Variants in TBC1D31 observed in about 807,000 individuals in gnomAD.
TBC1D31 encodes TBC1 domain family member 31, also known as WD repeat domain 67.
Under a neutral mutation model 132.9 loss-of-function variants are expected in TBC1D31, and 99 were observed. The observed-to-expected ratio is 0.74, with a 90% CI of 0.63 to 0.88. The LOEUF (loss-of-function observed/expected upper bound fraction) is 0.88, where lower values mean the gene tolerates loss of function less well. Among genes scored for constraint, TBC1D31 ranks in the 40% least tolerant of loss-of-function variants. The pLI, the probability that TBC1D31 is intolerant of heterozygous loss-of-function variation, is 0.00. For synonymous variants in TBC1D31, 385 were observed against 419.4 expected, an observed-to-expected ratio of 0.92 and a Z score of 1.00; for missense variants, 1,134 against 1,256.6, an observed-to-expected ratio of 0.90 and a Z score of 1.48.
Position 123,072,839 on chromosome 8 carries a change from C to T in TBC1D31, c.70C>T (p.Arg24Trp), listed in dbSNP as rs1274806808. 9 of 1,566,746 alleles carry T rather than the reference C, an allele frequency of 5.7e-6. No homozygotes were observed. Among genetic ancestry groups the T allele is most frequent in the Non-Finnish European group, 7.8e-6 (9 of 1,156,006 alleles). ...IWHRKPSPAT[R>W]DGIIVNIIHN... ...GCACCGCAAGCCGTCCCCGGCCACGCGGGACGGGTAAAGGCCGTGGCGGGA... is the reference window on the plus strand; with the variant it reads ...GCACCGCAAGCCGTCCCCGGCCACGTGGGACGGGTAAAGGCCGTGGCGGGA... The change falls in exon 1 of 22, where the codon CGG becomes TGG. Residue 24 changes from arginine to tryptophan, a missense_variant. Arg to Trp is a moderately radical substitution (Grantham distance 101). Coordinates refer to ENST00000287380, the MANE Select transcript of TBC1D31 (RefSeq NM_145647.4).
chr8:123,126,017 A>G (rs1376174902), intron 11 of TBC1D31, 39 bp from the exon 12 acceptor site: 2 of 1,501,962 alleles, frequency 1.3e-6, no homozygotes, highest in South Asian at 1.4e-5. Flanking sequence ...TAACATGGAA[A>G]GATATTTAAA....
At chr8:123,145,386 C>T (rs571836925) in intron 20 of TBC1D31, among the ~76,000 whole-genome samples, 9 of 152,222 alleles carry the variant, frequency 5.9e-5, no homozygotes, top group African/African-American at 2.2e-4. Context: ...GCAGACTGTC[C>T]TGTGGAGTTC....
At chr8:123,161,270 G>A in the TBC1D31 span, among the ~76,000 whole-genome samples, 1 of 152,282 alleles carries the variant, frequency 6.6e-6, no homozygotes, top group Non-Finnish European at 1.5e-5. Flanking sequence ...CTTGCCCTAC[G>A]TCAGCCGGGT....
Position 123,097,405 on chromosome 8 carries a change from A to C in TBC1D31, c.795A>C (p.Glu265Asp), listed in dbSNP as rs781141965. 3 of 1,614,148 alleles carry C rather than the reference A, an allele frequency of 1.9e-6. No homozygotes were observed. The East Asian group carries it at 6.7e-5, about 36-fold the overall frequency. ...PTKVRAIRHL[E>D]FLPDSFDAGS... ...AAGTTCGAGCCATTCGCCATCTGGA[A>C]TTTCTTCCTGATAGTTTTGATGCTG... is the stretch of plus-strand genomic sequence containing the variant. The change falls in exon 6 of 22, where the codon GAA becomes GAC. Residue 265 changes from glutamate (E) to aspartate (D), a missense_variant. By Grantham distance (45) the Glu-to-Asp change is conservative. Transcript: ENST00000287380.
chr8:123,113,781 A>G (rs1023072609), intron 10 of TBC1D31, among the ~76,000 whole-genome samples: 2 of 152,198 alleles, frequency 1.3e-5, no homozygotes, highest in African/African-American at 4.8e-5. Context: ...CTGTTTTTCT[A>G]AATTTTTAAA....
chr8:123,105,539 C>A, intron 8 of TBC1D31, 75 bp downstream of exon 8: 1 of 1,175,316 alleles, frequency 8.5e-7, no homozygotes, highest in Non-Finnish European at 1.2e-6. Flanking sequence ...GCCATCACCA[C>A]TCTTCTCTCT....
intron 10 of TBC1D31, among the ~76,000 whole-genome samples, chr8:123,114,714 G>T (rs1331187629): frequency 2.0e-5 from 3 of 152,148 alleles, no homozygotes; most frequent in Non-Finnish European, 4.4e-5. Flanking sequence ...AAACAGTACA[G>T]AAGATTATGA....
chr8:123,139,325 A>G (rs780624044), intron 17 of TBC1D31, among the ~76,000 whole-genome samples: 7 of 152,132 alleles, frequency 4.6e-5, no homozygotes, highest in Non-Finnish European at 8.8e-5. Context: ...ATAATGTAGC[A>G]ATTTTGGAAA....
intron 8 of TBC1D31, among the ~76,000 whole-genome samples, 153 bp downstream of exon 8, chr8:123,105,617 G>C (rs1817851383): frequency 6.6e-6 from 1 of 152,104 alleles, no homozygotes; most frequent in Admixed American, 6.6e-5. Context: ...GCACAGGCTG[G>C]TCTCAATCCT....
chr8:123,129,871 A>G (rs554785875), intron 15 of TBC1D31, among the ~76,000 whole-genome samples: 84 of 152,370 alleles, frequency 5.5e-4, no homozygotes, highest in Middle Eastern at 6.8e-3. Flanking sequence ...TAAGTAAAGT[A>G]ATGGGATAAA....
chr8:123,127,568 C>T (rs115419816), intron 13 of TBC1D31, among the ~76,000 whole-genome samples: 3,037 of 152,148 alleles, frequency 0.02, 103 homozygotes, highest in African/African-American at 0.069. Context: ...CCACCACGCC[C>T]GGCTGCTTCT....
chr8:123,159,792 CAAA>C, the TBC1D31 span, among the ~76,000 whole-genome samples: 1 of 144,974 alleles, frequency 6.9e-6, no homozygotes, highest in Non-Finnish European at 1.5e-5. Context: ...AACTCCGTCT[CAAA>C]AAAAAAAAAA....
chr8:123,077,226 A>C lies in TBC1D31; in HGVS notation c.193A>C (p.Asn65His), dbSNP rs373830178. 3.7e-6 allele frequency: 6 copies of C among 1,612,184 alleles called. No individual in the cohort carries two copies. The African/African-American group carries it at 8.0e-5, about 22-fold the overall frequency. Residue 65 changes from asparagine (N) to histidine (H), a missense_variant, in exon 2 of 22, where the codon AAT becomes CAT. Asn to His is a moderately conservative substitution (Grantham distance 68, BLOSUM62 1). Transcript: ENST00000287380. ...DCLIAGDHQG[N>H]IYVFDLHGNR... Reference sequence around the variant, plus strand: ...CTTAATTGCTGGGGACCACCAAGGAAATATTTATGTTTTTGACTTACATGG... The same window carrying C: ...CTTAATTGCTGGGGACCACCAAGGACATATTTATGTTTTTGACTTACATGG...
intron 2 of TBC1D31, among the ~76,000 whole-genome samples, chr8:123,079,159 C>A (rs547212968): frequency 8.0e-4 from 122 of 152,252 alleles, no homozygotes; most frequent in African/African-American, 2.8e-3. Flanking sequence ...CTAAAGAACT[C>A]CTAATCTGAG....
At chr8:123,118,210 A>G (rs576448886) in intron 10 of TBC1D31, among the ~76,000 whole-genome samples, 3 of 152,106 alleles carry the variant, frequency 2.0e-5, no homozygotes, top group Admixed American at 6.6e-5. Context: ...CGGAAAAATG[A>G]TATCAGTGGA....
intron 11 of TBC1D31, chr8:123,123,610 G>A (rs16898006): frequency 0.076 from 11,685 of 152,834 alleles, 576 homozygotes; most frequent in Admixed American, 0.16. Flanking sequence ...GCCTGATACA[G>A]CAAAAATGAG....
At chr8:123,157,302 C>G in the TBC1D31 span, among the ~76,000 whole-genome samples, 4 of 152,204 alleles carry the variant, frequency 2.6e-5, no homozygotes, top group Non-Finnish European at 4.4e-5. Flanking sequence ...GCTAACGAGG[C>G]ACCTAGTAAG....
At chr8:123,104,932 A>ACCTCTAACT (rs1410576332) in intron 7 of TBC1D31, among the ~76,000 whole-genome samples, 6 of 152,190 alleles carry the variant, frequency 3.9e-5, no homozygotes, top group Non-Finnish European at 8.8e-5. Flanking sequence ...AGAGGGCCAT[A>ACCTCTAACT]CCTCTAACTG....
intron 10 of TBC1D31, among the ~76,000 whole-genome samples, chr8:123,118,114 G>A (rs1338889860): frequency 2.0e-5 from 3 of 152,060 alleles, no homozygotes; most frequent in Non-Finnish European, 2.9e-5. Flanking sequence ...AATAAGGAAA[G>A]ACTAAGGAAC....
Sources: gnomAD v4.1 joint callset for allele counts (sites outside exome capture counted in the v4.1 genomes callset) on GRCh38, gnomAD v4.1.1 for gene constraint, MANE v1.5 for transcripts, NCBI Gene and HGNC (gene_info 2026-07-23, HGNC 2026-07-21) for gene names.